The following REPS1 variants were observed in gnomAD, a reference collection of about 807,000 sequenced individuals.
REPS1 encodes the protein ralBP1-associated Eps domain-containing protein 1.
In REPS1, 39 loss-of-function variants were observed where a neutral mutation model predicts 100.9. The ratio of observed to expected loss-of-function variants is 0.39; its 90% confidence interval spans 0.30 to 0.50. The LOEUF is 0.50. REPS1 is among the 20% of genes least tolerant of loss of function. The probability of loss-of-function intolerance (pLI) is 0.86; values close to 1 mark genes in which losing one functional copy is unlikely to be tolerated. For missense variants in REPS1, 821 were observed against 968.5 expected, an observed-to-expected ratio of 0.85 and a Z score of 2.02; for synonymous variants, 324 against 340.3, an observed-to-expected ratio of 0.95 and a Z score of 0.53.
chr6:138,963,884 T>C (rs1333287700), intron 1 of REPS1, among the ~76,000 whole-genome samples: 1 of 152,240 alleles, frequency 6.6e-6, no homozygotes, highest in Non-Finnish European at 1.5e-5. Context: ...TTCATATCTA[T>C]TACTGTATTC....
Position 138,913,141 on chromosome 6 carries a change from C to G in REPS1, c.1786-191G>C, listed in dbSNP as rs148150484. On this transcript the variant is annotated intron_variant, in intron 15 of 19. Transcript: ENST00000450536. ...AAACCATAAGTGAAAAGCTAAGACA[C>G]TAAAAAAAAAATTAAGATGATAAAC... Among the ~76,000 whole-genome samples, 297 of 151,274 alleles carry G rather than the reference C, an allele frequency of 2.0e-3. 1 individual carries two copies. Among genetic ancestry groups the G allele is most frequent in the African/African-American group, 7.1e-3 (293 of 41,262 alleles).
intron 8 of REPS1, among the ~76,000 whole-genome samples, chr6:138,931,789 T>C (rs1356106631): frequency 6.6e-6 from 1 of 152,136 alleles, no homozygotes; most frequent in Non-Finnish European, 1.5e-5. Context: ...TATGAAACTT[T>C]ATCCCCAGTG....
intron 6 of REPS1, 62 bp downstream of exon 6, chr6:138,943,791 G>T: frequency 1.5e-6 from 2 of 1,363,682 alleles, no homozygotes; most frequent in South Asian, 1.3e-5. Flanking sequence ...CAATGTCTTT[G>T]ATATTATGAA....
chr6:138,927,769 T>C (rs969305914), intron 9 of REPS1: 7 of 152,246 alleles, frequency 4.6e-5, no homozygotes, highest in Admixed American at 2.0e-4. Flanking sequence ...AAGTATTTCA[T>C]GAATTAAGAA....
At chr6:138,954,730 A>T (rs534721670) in intron 1 of REPS1, among the ~76,000 whole-genome samples, 110 of 152,326 alleles carry the variant, frequency 7.2e-4, no homozygotes, top group African/African-American at 2.6e-3. Flanking sequence ...TACATAAGAC[A>T]GGTAACTTTT....
At chr6:138,941,552 A>G (rs1782248961) in intron 7 of REPS1, 63 bp from the exon 8 acceptor site, 1 of 1,457,020 alleles carries the variant, frequency 6.9e-7, no homozygotes, top group Non-Finnish European at 9.5e-7. Context: ...ATTTCTCAAA[A>G]AGAAGCAAGA....
chr6:138,943,553 T>TA lies in REPS1; in HGVS notation c.939dup (p.Thr314TyrfsTer9). On this transcript the variant is annotated frameshift_variant, in exon 7 of 20. Transcript: ENST00000450536. LOFTEE classifies it high-confidence loss of function. ...TCAAGAATAGGAAGTTTTGATTTTG[T>TA]AAAAAACTCTTTAGCTGCAGATCCT... 6.3e-7 allele frequency: 1 copy of TA among 1,590,400 alleles called. No homozygotes were observed. Among genetic ancestry groups the TA allele is most frequent in the South Asian group, 1.1e-5 (1 of 90,404 alleles).
intron 1 of REPS1, among the ~76,000 whole-genome samples, chr6:138,983,951 C>T (rs553661502): frequency 2.0e-5 from 3 of 152,276 alleles, no homozygotes; most frequent in African/African-American, 7.2e-5. Flanking sequence ...CCTCTTCCTG[C>T]CCCTTTTCTA....
Sources: gnomAD v4.1 joint callset for allele counts (sites outside exome capture counted in the v4.1 genomes callset) on GRCh38, gnomAD v4.1.1 for gene constraint, MANE v1.5 for transcripts, NCBI Gene and HGNC (gene_info 2026-07-23, HGNC 2026-07-21) for gene names.